Variants in MAGI2 observed in about 807,000 individuals in gnomAD.
The protein encoded by MAGI2 is membrane-associated guanylate kinase, WW and PDZ domain-containing protein 2.
MAGI2 carries 35 observed loss-of-function variants against 133.3 expected under a neutral mutation model. That is an observed-to-expected ratio of 0.26 (90% CI 0.20 to 0.35). MAGI2 has a LOEUF of 0.35. Ranked by LOEUF, MAGI2 falls within the 10% of genes least tolerant of loss-of-function variation. MAGI2 has a pLI of 1.00. For missense variants in MAGI2, 1,636 were observed against 1,863.4 expected (o/e 0.88, Z 2.25); for synonymous variants, 729 against 710.6 (o/e 1.03, Z -0.41).
chr7:78,949,273 G>A (rs1390095404), intron 2 of MAGI2, among the ~76,000 whole-genome samples: 1 of 152,138 alleles, frequency 6.6e-6, no homozygotes, highest in Non-Finnish European at 1.5e-5. Context: ...GCATAATAGA[G>A]TGTTATTATG....
intron 2 of MAGI2, among the ~76,000 whole-genome samples, chr7:78,912,711 C>A (rs899789416): frequency 1.4e-5 from 2 of 144,360 alleles, no homozygotes; most frequent in Non-Finnish European, 3.0e-5. Flanking sequence ...TAATAAACTC[C>A]CCTTTATATA....
At chr7:78,823,731 A>C (rs1426476573) in intron 2 of MAGI2, among the ~76,000 whole-genome samples, 7 of 152,208 alleles carry the variant, frequency 4.6e-5, no homozygotes, top group African/African-American at 7.2e-5. Flanking sequence ...AAAAAGAAAT[A>C]TTTGTTGCTT....
intron 1 of MAGI2, among the ~76,000 whole-genome samples, chr7:79,299,765 G>A (rs1038135469): frequency 6.6e-6 from 1 of 152,086 alleles, no homozygotes; most frequent in Non-Finnish European, 1.5e-5. Context: ...AATGCTAGAG[G>A]AGGGGCCTAG....
chr7:78,498,716 C>A (rs947703719), intron 5 of MAGI2, among the ~76,000 whole-genome samples: 2 of 152,030 alleles, frequency 1.3e-5, no homozygotes, highest in Admixed American at 6.6e-5. Flanking sequence ...TCAAAGGTAA[C>A]CTTTATGAAA....
intron 1 of MAGI2, among the ~76,000 whole-genome samples, chr7:79,217,170 A>G (rs574624640): frequency 6.6e-6 from 1 of 152,186 alleles, no homozygotes; most frequent in South Asian, 2.1e-4. Flanking sequence ...TGAGGAAATG[A>G]GTAAACTCAG....
chr7:79,045,153 A>T (rs1020439033), intron 1 of MAGI2, among the ~76,000 whole-genome samples: 1 of 152,236 alleles, frequency 6.6e-6, no homozygotes, highest in African/African-American at 2.4e-5. Context: ...ACTGTATGAT[A>T]TCATTTATAT....
chr7:78,065,747 A>C, intron 21 of MAGI2: 1 of 536,894 alleles, frequency 1.9e-6, no homozygotes, highest in Non-Finnish European at 3.3e-6. Context: ...TGTTAGAATC[A>C]AGATTGCTTA....
At chr7:78,428,342 A>G (rs1309953063) in intron 6 of MAGI2, among the ~76,000 whole-genome samples, 21 of 152,226 alleles carry the variant, frequency 1.4e-4, no homozygotes, top group Admixed American at 1.4e-3. Context: ...ATAAATGCAG[A>G]TAACATATAA....
chr7:78,566,532 T>TAA (rs1563178622), intron 3 of MAGI2, among the ~76,000 whole-genome samples: 3 of 71,440 alleles, frequency 4.2e-5, no homozygotes, highest in Non-Finnish European at 5.9e-5. Flanking sequence ...CAGACACAGT[T>TAA]TAAAAAAAAA....
chr7:79,436,257 G>A (rs1848139757), intron 1 of MAGI2, among the ~76,000 whole-genome samples: 2 of 143,322 alleles, frequency 1.4e-5, no homozygotes, highest in Admixed American at 6.9e-5. Context: ...TTGAAGAAAA[G>A]CTAATAAATA....
At chr7:78,926,031 G>A (rs558848502) in intron 2 of MAGI2, among the ~76,000 whole-genome samples, 1 of 152,022 alleles carries the variant, frequency 6.6e-6, no homozygotes, top group Admixed American at 6.6e-5. Context: ...TTTTGTACAT[G>A]TAAATCTTCA....
chr7:78,402,113 T>C (rs1333089726), intron 6 of MAGI2, among the ~76,000 whole-genome samples: 2 of 152,210 alleles, frequency 1.3e-5, no homozygotes, highest in Admixed American at 6.5e-5. Context: ...TTTGTTTACA[T>C]ACCTGTCTCC....
chr7:79,194,827 GT>G (rs1054724292), intron 1 of MAGI2, among the ~76,000 whole-genome samples: 2 of 151,588 alleles, frequency 1.3e-5, no homozygotes, highest in African/African-American at 2.4e-5. Flanking sequence ...CTAGATAGCT[GT>G]TTGCTATAGT....
intron 2 of MAGI2, among the ~76,000 whole-genome samples, chr7:78,765,284 G>C (rs1034234511): frequency 6.0e-5 from 9 of 150,358 alleles, no homozygotes; most frequent in African/African-American, 2.2e-4. Context: ...CCACTATATT[G>C]CTGCCTTAGT....
intron 10 of MAGI2, among the ~76,000 whole-genome samples, chr7:78,203,224 T>C (rs1397209083): frequency 1.3e-5 from 2 of 152,244 alleles, no homozygotes; most frequent in Non-Finnish European, 2.9e-5. Context: ...CTTTGAGTAT[T>C]TGCTATTTCA....
intron 6 of MAGI2, among the ~76,000 whole-genome samples, chr7:78,416,538 G>GT (rs1798319638): frequency 1.3e-5 from 2 of 152,066 alleles, no homozygotes; most frequent in South Asian, 4.1e-4. Flanking sequence ...AGTAATTATA[G>GT]TTCATGATGT....
intron 16 of MAGI2, among the ~76,000 whole-genome samples, chr7:78,136,179 G>A (rs982615631): frequency 6.6e-6 from 1 of 150,712 alleles, no homozygotes; most frequent in African/African-American, 2.4e-5. Context: ...GCAGTGGCGC[G>A]ATCCTGGCTC....
At chr7:78,893,303 A>G (rs1209047248) in intron 2 of MAGI2, among the ~76,000 whole-genome samples, 1 of 152,224 alleles carries the variant, frequency 6.6e-6, no homozygotes, top group African/African-American at 2.4e-5. Context: ...TTGTTCAGCC[A>G]TTGTGGAAGT....
At chr7:78,538,641 C>A (rs757482297) in intron 3 of MAGI2, among the ~76,000 whole-genome samples, 1 of 152,082 alleles carries the variant, frequency 6.6e-6, no homozygotes, top group Non-Finnish European at 1.5e-5. Flanking sequence ...TTGTTTCTCA[C>A]CTTGGTTGCT....
Sources: allele counts gnomAD v4.1 joint callset (sites outside exome capture counted in the v4.1 genomes callset), GRCh38; gene constraint gnomAD v4.1.1; transcripts MANE v1.5; gene names NCBI Gene and HGNC (gene_info 2026-07-23, HGNC 2026-07-21).